MITF: variants seen among roughly 807,000 people sequenced by gnomAD.
MITF encodes melanocyte inducing transcription factor.
MITF carries 17 observed loss-of-function variants against 60.5 expected under a neutral mutation model. That is an observed-to-expected ratio of 0.28 (90% CI 0.19 to 0.42). MITF has a LOEUF of 0.42. MITF is among the 10% of genes least tolerant of loss of function. The probability of loss-of-function intolerance (pLI) is 1.00; values close to 1 mark genes in which losing one functional copy is unlikely to be tolerated. For missense variants in MITF, 622 were observed against 683.5 expected (o/e 0.91, Z 1.00); for synonymous variants, 260 against 248.5 (o/e 1.05, Z -0.43).
chr3:69,920,657 T>C (rs1575965561), intron 2 of MITF, among the ~76,000 whole-genome samples: 1 of 152,142 alleles, frequency 6.6e-6, no homozygotes, highest in East Asian at 1.9e-4. Flanking sequence ...ACCTTACCTA[T>C]CATTGGAGAT....
intron 2 of MITF, among the ~76,000 whole-genome samples, chr3:69,917,812 C>G (rs953646714): frequency 6.6e-5 from 10 of 151,946 alleles, no homozygotes; most frequent in African/African-American, 2.4e-4. Context: ...TGTATAGATC[C>G]TCCTTTAGAA....
intron 2 of MITF, among the ~76,000 whole-genome samples, chr3:69,895,646 A>G (rs768977727): frequency 9.2e-5 from 14 of 151,982 alleles, no homozygotes; most frequent in Non-Finnish European, 1.9e-4. Flanking sequence ...CAGAAAACAA[A>G]TAAAGGCTAT....
At chr3:69,889,404 A>G (rs181406393) in intron 2 of MITF, among the ~76,000 whole-genome samples, 1 of 151,930 alleles carries the variant, frequency 6.6e-6, no homozygotes, top group East Asian at 1.9e-4. Flanking sequence ...GTTAAATGAG[A>G]TAATTCACGA....
chr3:69,747,554 C>T (rs777285633), intron 1 of MITF, among the ~76,000 whole-genome samples: 1 of 152,168 alleles, frequency 6.6e-6, no homozygotes, highest in Non-Finnish European at 1.5e-5. Context: ...TAATATTAGG[C>T]TTGAGGCTTA....
At chr3:69,878,429 C>T (rs1460785704) in intron 1 of MITF, among the ~76,000 whole-genome samples, 2 of 152,052 alleles carry the variant, frequency 1.3e-5, no homozygotes, top group African/African-American at 4.8e-5. Flanking sequence ...ACAGAGAACA[C>T]ATTGTAACAT....
intron 3 of MITF, 157 bp from the exon 4 acceptor site, chr3:69,938,941 C>G: frequency 6.6e-7 from 1 of 1,509,882 alleles, no homozygotes; most frequent in Non-Finnish European, 8.9e-7. Context: ...TGATTTGACA[C>G]AAGTTCTTCC....
At chr3:69,956,872 A>G (rs1319223743) in intron 8 of MITF, among the ~76,000 whole-genome samples, 1 of 152,226 alleles carries the variant, frequency 6.6e-6, no homozygotes, top group Non-Finnish European at 1.5e-5. Flanking sequence ...AATAGTTGTT[A>G]AAGCTAGATT....
At chr3:69,917,044 A>T (rs1047618502) in intron 2 of MITF, among the ~76,000 whole-genome samples, 9 of 152,194 alleles carry the variant, frequency 5.9e-5, no homozygotes, top group African/African-American at 1.9e-4. Flanking sequence ...TCCATATTAT[A>T]TGTCCAGTGC....
At chr3:69,957,055 T>G (rs1434021984) in intron 8 of MITF, among the ~76,000 whole-genome samples, 1 of 152,214 alleles carries the variant, frequency 6.6e-6, no homozygotes, top group African/African-American at 2.4e-5. Context: ...AAGTAGTGTT[T>G]TAATCCTCTT....
chr3:69,940,666 T>C (rs1165525666), intron 4 of MITF, among the ~76,000 whole-genome samples: 2 of 152,184 alleles, frequency 1.3e-5, no homozygotes, highest in African/African-American at 4.8e-5. Flanking sequence ...GTGTCCACAC[T>C]TCCCTGTGGA....
chr3:69,920,470 A>G (rs529064740), intron 2 of MITF, among the ~76,000 whole-genome samples: 6 of 152,208 alleles, frequency 3.9e-5, no homozygotes, highest in Non-Finnish European at 5.9e-5. Context: ...TTCATGTTCC[A>G]TCCTGTACAC....
At chr3:69,781,156 T>G (rs1214676819) in intron 1 of MITF, among the ~76,000 whole-genome samples, 3 of 152,112 alleles carry the variant, frequency 2.0e-5, no homozygotes, top group Non-Finnish European at 4.4e-5. Context: ...CATAATTCAT[T>G]TGTAGCTATT....
intron 5 of MITF, among the ~76,000 whole-genome samples, chr3:69,946,827 T>G (rs151175292): frequency 1.1e-3 from 169 of 152,286 alleles, no homozygotes; most frequent in Middle Eastern, 3.4e-3. Context: ...TGCACTGTCG[T>G]CAATCCATGC....
In MITF at chr3:69,739,543, C is replaced by A; in HGVS notation, c.-55C>A. 6.7e-7 allele frequency: 1 copy of A among 1,483,002 alleles called. No homozygotes were observed. The highest frequency in any genetic ancestry group is 2.5e-5 in the East Asian group (1 of 40,606). The allele number at this position is 1,483,002 out of a possible 1,614,324, so 91.9% of individuals were successfully genotyped here. ...GACCCAGGCCCAGCTACCTTCCCTCCGCCCCCGGGCTCTGTTCTCACTTTC... is the reference window on the plus strand; with the variant it reads ...GACCCAGGCCCAGCTACCTTCCCTCAGCCCCCGGGCTCTGTTCTCACTTTC... On this transcript the variant is annotated 5_prime_UTR_variant, in exon 1 of 10. Coordinates refer to ENST00000352241, the MANE Select transcript of MITF (RefSeq NM_001354604.2).
intron 5 of MITF, among the ~76,000 whole-genome samples, chr3:69,946,279 C>T (rs1345884117): frequency 6.6e-6 from 1 of 152,172 alleles, no homozygotes; most frequent in Non-Finnish European, 1.5e-5. Flanking sequence ...GGATCTCTGA[C>T]TCCTAAGCAC....
At chr3:69,936,068 G>A (rs2065826399) in intron 2 of MITF, among the ~76,000 whole-genome samples, 2 of 152,116 alleles carry the variant, frequency 1.3e-5, no homozygotes, top group Admixed American at 1.3e-4. Context: ...CCTGATGTGA[G>A]GTCAATAGGC....
intron 2 of MITF, among the ~76,000 whole-genome samples, chr3:69,919,161 A>G (rs535208204): frequency 6.6e-6 from 1 of 152,348 alleles, no homozygotes; most frequent in South Asian, 2.1e-4. Flanking sequence ...TGCATTTTCC[A>G]AAGTGTTAAT....
At chr3:69,869,869 AT>A (rs1160212219) in intron 1 of MITF, among the ~76,000 whole-genome samples, 2 of 152,078 alleles carry the variant, frequency 1.3e-5, no homozygotes, top group East Asian at 3.9e-4. Context: ...TCCTGCTCGT[AT>A]GACTCACTTC....
At chr3:69,743,237 G>A (rs1575653860) in intron 1 of MITF, among the ~76,000 whole-genome samples, 2 of 152,276 alleles carry the variant, frequency 1.3e-5, no homozygotes, top group African/African-American at 4.8e-5. Context: ...CAGACATCCC[G>A]TGGTAGGCAA....
Sources: allele counts gnomAD v4.1 joint callset (sites outside exome capture counted in the v4.1 genomes callset), GRCh38; gene constraint gnomAD v4.1.1; transcripts MANE v1.5; gene names NCBI Gene and HGNC (gene_info 2026-07-23, HGNC 2026-07-21).